The following RBFOX1 variants were observed in gnomAD, a reference collection of about 807,000 sequenced individuals.
RBFOX1 encodes RNA binding fox-1 homolog 1.
A neutral mutation model predicts 57.7 loss-of-function variants in RBFOX1; 8 were observed. That is an observed-to-expected ratio of 0.14 (90% CI 0.08 to 0.25). The LOEUF (loss-of-function observed/expected upper bound fraction) is 0.25, where lower values mean the gene tolerates loss of function less well. RBFOX1 is among the 10% of genes least tolerant of loss of function. The pLI is 1.00. For synonymous variants in RBFOX1, 326 were observed against 222.4 expected, an observed-to-expected ratio of 1.47 and a Z score of -4.15; for missense variants, 611 against 548.5, an observed-to-expected ratio of 1.11 and a Z score of -1.14.
chr16:6,575,117 C>T (rs887434799), intron 2 of RBFOX1, among the ~76,000 whole-genome samples: 4 of 151,790 alleles, frequency 2.6e-5, no homozygotes, highest in Admixed American at 6.6e-5. Flanking sequence ...TGGGGTCTCC[C>T]CGCAAGGCGA....
At chr16:5,806,807 C>T (rs552553241) in intron 3 of RBFOX1, among the ~76,000 whole-genome samples, 1 of 152,322 alleles carries the variant, frequency 6.6e-6, no homozygotes, top group Admixed American at 6.5e-5. Flanking sequence ...GCTGTCAGCC[C>T]AGCTCAGCCC....
intron 5 of RBFOX1, among the ~76,000 whole-genome samples, chr16:7,563,766 T>C (rs12929538): frequency 0.88 from 132,940 of 151,922 alleles, 59,226 homozygotes; most frequent in Non-Finnish European, 0.97. Flanking sequence ...CCGCACCCAC[T>C]CTATTATATA....
At chr16:6,605,572 C>T (rs974026209) in intron 2 of RBFOX1, among the ~76,000 whole-genome samples, 4 of 152,164 alleles carry the variant, frequency 2.6e-5, no homozygotes, top group African/African-American at 9.7e-5. Flanking sequence ...CGGAGTGAAT[C>T]TCTCATTTTT....
chr16:6,398,156 C>T (rs1317591047), intron 2 of RBFOX1, among the ~76,000 whole-genome samples: 2 of 152,124 alleles, frequency 1.3e-5, no homozygotes, highest in East Asian at 3.9e-4. Flanking sequence ...ACCATCAGAT[C>T]TCATGAGAAC....
Position 7,127,504 on chromosome 16 carries a change from G to T in RBFOX1, c.27+75406G>T, listed in dbSNP as rs554436486. ...AAATAGAGCAGTTTTTGATGACAGG[G>T]ATTTACTTACAGGTCTTTTGGTATA... On this transcript the variant is annotated intron_variant, in intron 4 of 15. Transcript: ENST00000550418. Among the ~76,000 whole-genome samples the T allele has an allele frequency of 2.0e-5, 3 of 152,294 alleles. No homozygotes were observed. The East Asian group carries it at 5.8e-4, about 29-fold the overall frequency.
At chr16:7,367,533 T>A (rs141812378) in intron 4 of RBFOX1, among the ~76,000 whole-genome samples, 9 of 152,338 alleles carry the variant, frequency 5.9e-5, no homozygotes, top group African/African-American at 1.4e-4. Flanking sequence ...GAAACATCTC[T>A]TCCAGGTTTG....
chr16:6,534,529 AG>A (rs1175490688), intron 2 of RBFOX1, among the ~76,000 whole-genome samples: 1 of 152,194 alleles, frequency 6.6e-6, no homozygotes, highest in Non-Finnish European at 1.5e-5. Context: ...CCATTGGGAA[AG>A]GACATCCTGT....
At chr16:7,574,438 G>A (rs754848978) in intron 5 of RBFOX1, among the ~76,000 whole-genome samples, 1 of 152,148 alleles carries the variant, frequency 6.6e-6, no homozygotes, top group African/African-American at 2.4e-5. Context: ...AGGAAGTCAG[G>A]CTGGGTCCCA....
chr16:6,627,127 G>C (rs1211845490), intron 2 of RBFOX1, among the ~76,000 whole-genome samples: 2 of 152,124 alleles, frequency 1.3e-5, no homozygotes, highest in African/African-American at 4.8e-5. Flanking sequence ...GCCTCCCAAA[G>C]CTGAAATTAG....
At chr16:6,723,926 T>C (rs1292732048) in intron 3 of RBFOX1, 2 of 152,064 alleles carry the variant, frequency 1.3e-5, no homozygotes, top group African/African-American at 2.4e-5. Context: ...ATCAGGAAAA[T>C]AGGAAGTTGG....
intron 3 of RBFOX1, among the ~76,000 whole-genome samples, chr16:6,664,797 A>G (rs142632658): frequency 3.3e-5 from 5 of 152,236 alleles, no homozygotes; most frequent in African/African-American, 9.6e-5. Context: ...CTCCTAATTT[A>G]TTTCAAAAGG....
intron 4 of RBFOX1, among the ~76,000 whole-genome samples, chr16:7,252,176 C>T (rs2094521021): frequency 6.6e-6 from 1 of 152,208 alleles, no homozygotes; most frequent in East Asian, 1.9e-4. Flanking sequence ...CTTACATCAT[C>T]AAAAAGGAGG....
intron 1 of RBFOX1, among the ~76,000 whole-genome samples, chr16:5,437,897 A>C (rs2067965414): frequency 6.6e-6 from 1 of 152,180 alleles, no homozygotes; most frequent in African/African-American, 2.4e-5. Context: ...ATCGTTGTTG[A>C]TTGGCTGTTG....
At chr16:7,404,412 C>CA (rs2098299934) in intron 4 of RBFOX1, among the ~76,000 whole-genome samples, 2 of 152,272 alleles carry the variant, frequency 1.3e-5, no homozygotes, top group South Asian at 4.1e-4. Flanking sequence ...GACAGGCCTC[C>CA]AAGCTTCTGA....
chr16:5,518,009 C>G (rs896614176), intron 2 of RBFOX1, among the ~76,000 whole-genome samples: 1 of 151,622 alleles, frequency 6.6e-6, no homozygotes, highest in African/African-American at 2.4e-5. Flanking sequence ...CCAGTGTTGA[C>G]TTAAATTATT....
At chr16:5,361,362 A>G (rs981132793) in intron 1 of RBFOX1, among the ~76,000 whole-genome samples, 1 of 152,224 alleles carries the variant, frequency 6.6e-6, no homozygotes, top group African/African-American at 2.4e-5. Context: ...CCAGAGGTCT[A>G]GGTTATAAGA....
chr16:6,214,548 G>A, intron 1 of RBFOX1, among the ~76,000 whole-genome samples: 1 of 127,334 alleles, frequency 7.9e-6, no homozygotes, highest in Admixed American at 7.7e-5. Flanking sequence ...GAAGGAGACA[G>A]GGAGAGGGGG....
At chr16:7,696,729 T>C (rs2078924091) in intron 14 of RBFOX1, among the ~76,000 whole-genome samples, 1 of 152,106 alleles carries the variant, frequency 6.6e-6, no homozygotes, top group African/African-American at 2.4e-5. Flanking sequence ...GTTATGTACT[T>C]ACTGTAATGA....
At chr16:7,022,681 A>C (rs2039663612) in intron 3 of RBFOX1, among the ~76,000 whole-genome samples, 1 of 152,144 alleles carries the variant, frequency 6.6e-6, no homozygotes, top group Non-Finnish European at 1.5e-5. Flanking sequence ...TAGCAGATGA[A>C]AGCAGAAAAA....
Sources: gnomAD v4.1 joint callset for allele counts (sites outside exome capture counted in the v4.1 genomes callset) on GRCh38, gnomAD v4.1.1 for gene constraint, MANE v1.5 for transcripts, NCBI Gene and HGNC (gene_info 2026-07-23, HGNC 2026-07-21) for gene names.